TSKS: variants seen among roughly 807,000 people sequenced by gnomAD.
TSKS encodes testis-specific serine kinase substrate.
A neutral mutation model predicts 68.0 loss-of-function variants in TSKS; 27 were observed. The ratio of observed to expected loss-of-function variants is 0.40; its 90% CI spans 0.29 to 0.55. TSKS has a LOEUF of 0.55. TSKS is among the 20% of genes least tolerant of loss of function. The probability of loss-of-function intolerance (pLI) is 0.53; values close to 1 mark genes in which losing one functional copy is unlikely to be tolerated. For synonymous variants in TSKS, 331 were observed against 340.4 expected, an observed-to-expected ratio of 0.97 and a Z score of 0.30; for missense variants, 806 against 776.0, an observed-to-expected ratio of 1.04 and a Z score of -0.46.
chr19:49,748,770 C>G (rs150198889), intron 2 of TSKS, among the ~76,000 whole-genome samples: 1 of 152,198 alleles, frequency 6.6e-6, no homozygotes, highest in East Asian at 1.9e-4. Context: ...AAACACTGAG[C>G]TAAATGTCCT....
intron 2 of TSKS, among the ~76,000 whole-genome samples, chr19:49,748,829 G>A (rs2084324761): frequency 6.6e-6 from 1 of 152,068 alleles, no homozygotes; most frequent in Admixed American, 6.6e-5. Context: ...CACTTTGGGA[G>A]GCCGAGGTGG....
intron 2 of TSKS, among the ~76,000 whole-genome samples, chr19:49,755,730 TG>T (rs1207564820): frequency 6.6e-6 from 1 of 152,072 alleles, no homozygotes; most frequent in Non-Finnish European, 1.5e-5. Flanking sequence ...TGGCTGGGCT[TG>T]GTGGCTGATG....
At chr19:49,743,474 C>A (rs1204606225) in intron 8 of TSKS, among the ~76,000 whole-genome samples, 1 of 151,372 alleles carries the variant, frequency 6.6e-6, no homozygotes, top group Admixed American at 6.6e-5. Flanking sequence ...ACCTCCGCCT[C>A]CCGGGTCCAA....
rs202117338 is a variant in TSKS, at chr19:49,762,138, C to T, written c.265G>A (p.Ala89Thr). 1.4e-4 allele frequency: 224 copies of T among 1,614,106 alleles called. 1 individual carries two copies. The Middle Eastern group carries it at 1.5e-3, about 11-fold the overall frequency. The change falls in exon 2 of 11, where the codon GCC (alanine) becomes ACC (threonine). Residue 89 changes from alanine (A) to threonine (T), a missense_variant. Coordinates refer to ENST00000246801, the MANE Select transcript of TSKS (RefSeq NM_021733.2). ...CCCGTGGAGTCAGTGGGCTCCATGG[C>T]GGCCAGGTTGAGCAGTGACACGTTG... ...CTNVSLLNLAAMEPTDSTGTD... is the reference protein window; with the variant it reads ...CTNVSLLNLATMEPTDSTGTD...
At chr19:49,753,036 G>C (rs2084363604) in intron 2 of TSKS, among the ~76,000 whole-genome samples, 1 of 152,224 alleles carries the variant, frequency 6.6e-6, no homozygotes, top group Admixed American at 6.5e-5. Flanking sequence ...CCAATCATTA[G>C]CTAACCACTA....
chr19:49,756,578 C>A (rs1396910675), intron 2 of TSKS, among the ~76,000 whole-genome samples: 22 of 141,000 alleles, frequency 1.6e-4, no homozygotes, highest in African/African-American at 4.4e-4. Flanking sequence ...AAAAAAAAAA[C>A]ACTCCACAAA....
rs755347455 is a variant in TSKS, at chr19:49,739,908, A to G, written c.1647T>C (p.His549=). 2.5e-6 allele frequency: 4 copies of G among 1,613,680 alleles called. No individual in the cohort carries two copies. Among genetic ancestry groups the G allele is most frequent in the Non-Finnish European group, 3.4e-6 (4 of 1,179,790 alleles). ...GGAGGGAGCACATCTTCAAGTGTAG[A>G]TGGTCCAGAGTGGCCATCTTCTCCC... is the stretch of plus-strand genomic sequence containing the variant. ...KPEEKMATLD[H]LHLKMCSLHD... Residue 549 remains histidine, a synonymous_variant, in exon 11 of 11, where the codon CAT becomes CAC. Coordinates refer to ENST00000246801, the MANE Select transcript of TSKS (RefSeq NM_021733.2).
intron 2 of TSKS, among the ~76,000 whole-genome samples, chr19:49,759,951 G>A (rs775284819): frequency 2.0e-5 from 3 of 151,758 alleles, no homozygotes; most frequent in African/African-American, 2.4e-5. Flanking sequence ...TCAGGAGTTC[G>A]AGACCAGCCT....
At chr19:49,756,464 A>G (rs1399517097) in intron 2 of TSKS, among the ~76,000 whole-genome samples, 2 of 152,022 alleles carry the variant, frequency 1.3e-5, no homozygotes, top group African/African-American at 4.8e-5. Context: ...GTCTCTAAAA[A>G]CAAATAAATG....
chr19:49,742,830 TCA>T (rs1457879789), intron 8 of TSKS, among the ~76,000 whole-genome samples: 1 of 151,832 alleles, frequency 6.6e-6, no homozygotes, highest in Non-Finnish European at 1.5e-5. Context: ...CAGACAGCCC[TCA>T]GTTTGCAAAG....
At chr19:49,750,000 C>G (rs1344423333) in intron 2 of TSKS, among the ~76,000 whole-genome samples, 2 of 151,818 alleles carry the variant, frequency 1.3e-5, no homozygotes, top group Non-Finnish European at 1.5e-5. Context: ...TGAGTCATCC[C>G]TTATAGGAAA....
In TSKS at chr19:49,754,875, G is replaced by A. The variant is rs185659607; in HGVS notation, c.400-6406C>T. Among the ~76,000 whole-genome samples the A allele has an allele frequency of 2.4e-3, 362 of 152,194 alleles. 4 individuals carry two copies. Among genetic ancestry groups the A allele is most frequent in the Non-Finnish European group, 1.2e-3 (83 of 68,000 alleles). On this transcript the variant is annotated intron_variant, in intron 2 of 10. Transcript: ENST00000246801. ...AGCACTTTGGGAGGCCAAGGCAGGC[G>A]GATCACGAGGTCAAGAGATCAAGAA...
intron 9 of TSKS, 95 bp downstream of exon 9, chr19:49,741,789 TG>T: frequency 6.4e-7 from 1 of 1,554,402 alleles, no homozygotes; most frequent in Non-Finnish European, 8.8e-7. Flanking sequence ...CTTCCCCTTC[TG>T]CCACACACCA....
Position 49,741,996 on chromosome 19 carries a change from C to T in TSKS, c.1386G>A (p.Glu462=), listed in dbSNP as rs76647031. 1 of 1,614,026 alleles carries T rather than the reference C, an allele frequency of 6.2e-7. No homozygotes were observed. The highest frequency in any genetic ancestry group is 1.3e-5 in the African/African-American group (1 of 74,942). ...CASQGSQLST[E]SLQQLLDRAL... ...CTCGGTCCAGCAGCTGCTGCAGGGA[C>T]TCCGTAGACAACTGCGACCCCTGGC... The change falls in exon 9 of 11, where the codon GAG becomes GAA. Residue 462 remains glutamate, a synonymous_variant. Coordinates refer to ENST00000246801, the MANE Select transcript of TSKS (RefSeq NM_021733.2).
At position 49,745,192 on chromosome 19, in the gene TSKS, C is replaced by G. The variant is rs1445254981; in HGVS notation, c.1187+10G>C. 6.4e-7 allele frequency: 1 copy of G among 1,571,174 alleles called. No individual in the cohort carries two copies. Among genetic ancestry groups the G allele is most frequent in the Admixed American group, 1.7e-5 (1 of 57,954 alleles). ...TTCCGGTCTTCCCATGCACTGGCCC[C>G]AATCCTCACATGGTGCACAGCTCAT... On this transcript the variant is annotated intron_variant, in intron 7 of 10. Transcript: ENST00000246801.
Position 49,741,952 on chromosome 19 carries a change from T to C in TSKS, c.1430A>G (p.Asp477Gly). Residue 477 changes from aspartate (D) to glycine (G), a missense_variant, in exon 9 of 11, where the codon GAC becomes GGC. Asp to Gly is a moderately conservative substitution (Grantham distance 94). Coordinates refer to ENST00000246801, the MANE Select transcript of TSKS (RefSeq NM_021733.2). ...AGTCAGGCCCCTCTGCTTCACCTCG[T>C]CCACTAGTGAGGTCAGTGCTCGGTC... Reference protein sequence around the residue: ...LLDRALTSLVDEVKQRGLTPA... With the variant: ...LLDRALTSLVGEVKQRGLTPA... 1 of 1,614,120 alleles carries C rather than the reference T, an allele frequency of 6.2e-7. No individual in the cohort carries two copies.
intron 5 of TSKS, chr19:49,747,064 G>A (rs760633135): frequency 2.1e-5 from 29 of 1,399,600 alleles, no homozygotes; most frequent in Non-Finnish European, 2.5e-5. Context: ...TACCAGTCCC[G>A]GCCACTTGGC....
intron 8 of TSKS, 105 bp downstream of exon 8, chr19:49,744,126 C>A (rs762410295): frequency 5.5e-6 from 7 of 1,263,146 alleles, no homozygotes; most frequent in Non-Finnish European, 7.8e-6. Flanking sequence ...TACCTTGTCT[C>A]CCAAAATGAA....
At chr19:49,753,677 T>C (rs1416881715) in intron 2 of TSKS, among the ~76,000 whole-genome samples, 1 of 149,924 alleles carries the variant, frequency 6.7e-6, no homozygotes, top group Admixed American at 6.6e-5. Flanking sequence ...CCCTTAAGCC[T>C]GGGAGTTAGA....
Sources: allele counts gnomAD v4.1 joint callset (sites outside exome capture counted in the v4.1 genomes callset), GRCh38; gene constraint gnomAD v4.1.1; transcripts MANE v1.5; gene names NCBI Gene and HGNC (gene_info 2026-07-23, HGNC 2026-07-21).